ERC1: variants seen among roughly 807,000 people sequenced by gnomAD.
ERC1 encodes the protein RAB6 interacting protein 2.
In ERC1, 56 loss-of-function variants were observed where a neutral mutation model predicts 132.0. That is an observed-to-expected ratio of 0.42 (90% CI 0.34 to 0.53). The LOEUF (loss-of-function observed/expected upper bound fraction) is 0.53. Among genes scored for constraint, ERC1 ranks in the 20% least tolerant of loss-of-function variants. ERC1 has a pLI of 0.03. For synonymous variants in ERC1, 478 were observed against 476.1 expected, an observed-to-expected ratio of 1.00 and a Z score of -0.05; for missense variants, 1,202 against 1,349.9, an observed-to-expected ratio of 0.89 and a Z score of 1.72.
At chr12:1,313,229 C>T (rs2081438372) in intron 15 of ERC1, among the ~76,000 whole-genome samples, 1 of 151,990 alleles carries the variant, frequency 6.6e-6, no homozygotes, top group African/African-American at 2.4e-5. Flanking sequence ...AGGGACGTGC[C>T]AACTGGTTAA....
intron 16 of ERC1, among the ~76,000 whole-genome samples, chr12:1,399,853 T>C (rs1407708348): frequency 6.6e-6 from 1 of 152,226 alleles, no homozygotes; most frequent in African/African-American, 2.4e-5. Flanking sequence ...TGAACATTTG[T>C]GGGTGCTTTT....
chr12:1,477,795 A>G (rs980318298), intron 18 of ERC1, among the ~76,000 whole-genome samples: 3 of 152,152 alleles, frequency 2.0e-5, no homozygotes, highest in Non-Finnish European at 4.4e-5. Context: ...GGATAACCTG[A>G]CCTCAAACAC....
intron 18 of ERC1, among the ~76,000 whole-genome samples, chr12:1,464,783 G>A (rs911559037): frequency 1.3e-5 from 2 of 151,902 alleles, no homozygotes; most frequent in African/African-American, 4.8e-5. Flanking sequence ...GCCTCCCAAA[G>A]TGCTGGGATT....
At chr12:1,083,020 A>T in intron 2 of ERC1, 144 bp from the exon 3 acceptor site, 1 of 659,758 alleles carries the variant, frequency 1.5e-6, no homozygotes, top group Non-Finnish European at 2.6e-6. Flanking sequence ...ATCATTTTTT[A>T]AGGACCTGTA....
chr12:1,415,786 T>G (rs1276215210), intron 17 of ERC1, among the ~76,000 whole-genome samples: 1 of 152,188 alleles, frequency 6.6e-6, no homozygotes, highest in African/African-American at 2.4e-5. Context: ...CAGAAGTGGA[T>G]CAGAGATTTT....
intron 8 of ERC1, among the ~76,000 whole-genome samples, chr12:1,172,705 CAA>C (rs202066456): frequency 2.1e-5 from 3 of 144,296 alleles, no homozygotes; most frequent in African/African-American, 7.6e-5. Context: ...AGAGTTTATA[CAA>C]AAAAAAAACC....
intron 8 of ERC1, among the ~76,000 whole-genome samples, chr12:1,144,564 T>C (rs1048001366): frequency 6.8e-6 from 1 of 148,144 alleles, no homozygotes; most frequent in African/African-American, 2.6e-5. Context: ...ATCCAGCTTG[T>C]TGCGAATGCC....
rs572717719 is a variant in ERC1 at position 1,495,742 on chromosome 12, G to T, written c.*5512G>T. The T allele has an allele frequency of 5.8e-5, 13 of 223,806 alleles. No individual in the cohort carries two copies. Among genetic ancestry groups the T allele is most frequent in the African/African-American group, 2.0e-4 (9 of 44,886 alleles). 13.9% of individuals were successfully genotyped at this position (223,806 alleles called of 1,614,324 possible). A position where few individuals can be genotyped will look rare whatever the true frequency, so the allele number is the denominator to read the frequency against. On this transcript the variant is annotated 3_prime_UTR_variant, in exon 19 of 19. Coordinates refer to ENST00000360905, the MANE Select transcript of ERC1 (RefSeq NM_178040.4). ...CTCCATGGTGGTGTCTGGGATGCAC[G>T]TGCACCCGCTGCCTTCAGCTGTATG...
chr12:1,482,331 T>G (rs1362441118), intron 18 of ERC1, among the ~76,000 whole-genome samples: 1 of 140,724 alleles, frequency 7.1e-6, no homozygotes, highest in Admixed American at 7.1e-5. Context: ...CCTGCCTTCC[T>G]TTCTGTCCAG....
intron 15 of ERC1, among the ~76,000 whole-genome samples, chr12:1,371,194 TC>T (rs58874018): frequency 0.076 from 9,178 of 120,208 alleles, 315 homozygotes; most frequent in Middle Eastern, 0.16. Flanking sequence ...ACTCCCCATT[TC>T]CCCCTCTCTC....
At chr12:1,062,232 C>A (rs1158480574) in intron 2 of ERC1, among the ~76,000 whole-genome samples, 1 of 152,038 alleles carries the variant, frequency 6.6e-6, no homozygotes, top group Non-Finnish European at 1.5e-5. Context: ...ATCTGCCCGC[C>A]TCGGCCCCCG....
intron 2 of ERC1, among the ~76,000 whole-genome samples, chr12:1,042,999 T>A (rs1970503706): frequency 2.0e-5 from 3 of 151,912 alleles, no homozygotes. Flanking sequence ...ACATGTTATC[T>A]ATGGTACAGA....
chr12:1,405,146 T>TATAAATAA (rs60222703), intron 16 of ERC1, among the ~76,000 whole-genome samples: 23,806 of 142,008 alleles, frequency 0.17, 2,107 homozygotes, highest in Middle Eastern at 0.26. Context: ...GCTCAAAAAA[T>TATAAATAA]ATAAATAAAT....
chr12:1,156,127 C>T (rs757906357), intron 8 of ERC1, among the ~76,000 whole-genome samples: 18 of 152,064 alleles, frequency 1.2e-4, no homozygotes, highest in Non-Finnish European at 1.2e-4. Flanking sequence ...AGCTTTATCT[C>T]ATCTTAAAAA....
chr12:1,131,188 G>A (rs191518754), intron 7 of ERC1, among the ~76,000 whole-genome samples: 5 of 152,306 alleles, frequency 3.3e-5, no homozygotes, highest in Non-Finnish European at 5.9e-5. Flanking sequence ...TTTGGAAGCT[G>A]TGGAGGTGGT....
intron 3 of ERC1, among the ~76,000 whole-genome samples, chr12:1,097,417 C>T (rs1421590842): frequency 6.6e-6 from 1 of 152,162 alleles, no homozygotes; most frequent in African/African-American, 2.4e-5. Context: ...TTTCTCTAGG[C>T]TACATCAGCT....
intron 4 of ERC1, among the ~76,000 whole-genome samples, chr12:1,106,888 T>C (rs1861885388): frequency 2.6e-5 from 4 of 152,218 alleles, no homozygotes; most frequent in Admixed American, 6.5e-5. Context: ...AGGAGAAAGA[T>C]TCTGGTGGCC....
intron 7 of ERC1, among the ~76,000 whole-genome samples, chr12:1,122,589 ATCTCTATCTGTG>A (rs1265068760): frequency 2.0e-4 from 1 of 4,946 alleles, no homozygotes; most frequent in African/African-American, 2.6e-4. Flanking sequence ...CTCTATCTCT[ATCTCTATCTGTG>A]TCTCTATCTC....
intron 2 of ERC1, among the ~76,000 whole-genome samples, chr12:1,033,387 T>C (rs1968440510): frequency 6.6e-6 from 1 of 152,018 alleles, no homozygotes; most frequent in East Asian, 1.9e-4. Flanking sequence ...ACCAGACTGG[T>C]CTTGAACTCT....
Sources: gnomAD v4.1 joint callset for allele counts (sites outside exome capture counted in the v4.1 genomes callset) on GRCh38, gnomAD v4.1.1 for gene constraint, MANE v1.5 for transcripts, NCBI Gene and HGNC (gene_info 2026-07-23, HGNC 2026-07-21) for gene names.